Variants in PSMG2 observed in about 807,000 individuals in gnomAD.
PSMG2 encodes proteasome assembly chaperone 2.
Under a neutral mutation model 31.5 loss-of-function variants are expected in PSMG2, and 21 were observed. That is an observed-to-expected ratio of 0.67 (90% CI 0.47 to 0.96). The LOEUF is 0.96. Ranked by LOEUF, PSMG2 falls within the 40% of genes least tolerant of loss-of-function variation. The pLI is 0.00. For missense variants in PSMG2, 318 were observed against 321.2 expected, an observed-to-expected ratio of 0.99 and a Z score of 0.08; for synonymous variants, 120 against 110.4, an observed-to-expected ratio of 1.09 and a Z score of -0.54.
upstream of PSMG2, among the ~76,000 whole-genome samples, chr18:12,700,568 CATAGAGA>C (rs2040116298): frequency 6.6e-6 from 1 of 152,086 alleles, no homozygotes; most frequent in Non-Finnish European, 1.5e-5. Flanking sequence ...ATTTGTTAAT[CATAGAGA>C]ATATAATCCC....
rs142099365 is a variant in PSMG2, at chr18:12,706,362, C to T, written c.58-188C>T. 5.3e-3 allele frequency among the ~76,000 whole-genome samples: 808 copies of T among 152,286 alleles called. 3 individuals carry two copies. The highest frequency in any genetic ancestry group is 7.7e-3 in the Non-Finnish European group (521 of 68,034). On this transcript the variant is annotated intron_variant, in intron 1 of 6. Transcript: ENST00000317615. ...ATTAGCTGGGTGTGGTGGTGCGCGC[C>T]TATAATCTCAGCTACTCAGGAGGCT...
chr18:12,713,249 C>A (rs1293406147), intron 3 of PSMG2, among the ~76,000 whole-genome samples: 1 of 152,166 alleles, frequency 6.6e-6, no homozygotes, highest in Non-Finnish European at 1.5e-5. Context: ...TACACCACAT[C>A]ACTACTCTCT....
At chr18:12,678,177 T>C (rs764149719) in intron 1 of PSMG2, 4 of 1,614,174 alleles carry the variant, frequency 2.5e-6, no homozygotes, top group East Asian at 2.2e-5. Flanking sequence ...GACGCGTCAA[T>C]TGTGGATGCA....
rs1040010722 is a variant in PSMG2, at chr18:12,683,455, A to G, written c.-36-23095A>G. Among the ~76,000 whole-genome samples the G allele has an allele frequency of 2.6e-5, 4 of 152,122 alleles. No individual in the cohort carries two copies. The East Asian group carries it at 5.8e-4, about 22-fold the overall frequency. On this transcript the variant is annotated intron_variant, in intron 1 of 6. Coordinates refer to the PSMG2 transcript ENST00000585331. ...AGGGAAATAGTTAAATGTATTTTGT[A>G]TATTGACTCAAGGAAACTTAAAACA...
intron 1 of PSMG2, chr18:12,686,608 T>C (rs1445064964): frequency 7.4e-6 from 4 of 543,102 alleles, no homozygotes; most frequent in Non-Finnish European, 1.3e-5. Context: ...TGTATATAAT[T>C]TCCCTTAATC....
At chr18:12,664,602 C>T (rs2038767717) in intron 1 of PSMG2, among the ~76,000 whole-genome samples, 1 of 151,846 alleles carries the variant, frequency 6.6e-6, no homozygotes, top group African/African-American at 2.4e-5. Context: ...CCAAGCTGGT[C>T]TCAAATTCCT....
intron 3 of PSMG2, among the ~76,000 whole-genome samples, chr18:12,715,298 C>G (rs1225150789): frequency 6.6e-6 from 1 of 151,580 alleles, no homozygotes; most frequent in Non-Finnish European, 1.5e-5. Context: ...TGTGAGCCAC[C>G]ACACCCAGCC....
At chr18:12,695,597 G>C (rs1478951951) in intron 1 of PSMG2, among the ~76,000 whole-genome samples, 1 of 152,014 alleles carries the variant, frequency 6.6e-6, no homozygotes, top group Non-Finnish European at 1.5e-5. Flanking sequence ...TTTAAGTAGA[G>C]ATGGGGTCTC....
intron 1 of PSMG2, among the ~76,000 whole-genome samples, chr18:12,679,825 G>A (rs2145010421): frequency 6.6e-6 from 1 of 152,176 alleles, no homozygotes; most frequent in Admixed American, 6.6e-5. Context: ...CACTTTGGAA[G>A]GCCGTGGCAG....
chr18:12,702,786 C>G, upstream of PSMG2: 3 of 574,430 alleles, frequency 5.2e-6, no homozygotes, highest in Non-Finnish European at 9.1e-6. Flanking sequence ...GGGCTTGGGG[C>G]TGGCCCGCAC....
intron 1 of PSMG2, among the ~76,000 whole-genome samples, chr18:12,659,358 G>A (rs1000500918): frequency 1.8e-4 from 28 of 152,096 alleles, no homozygotes; most frequent in Admixed American, 1.8e-3. Flanking sequence ...GCAACAGGAC[G>A]AAAAGGAAAA....
In PSMG2 at chr18:12,725,226, C is replaced by T. The variant is rs141712938; in HGVS notation, c.703-213C>T. Reference sequence around the variant, plus strand: ...GATTTTCCCTAATAAACTTCATCTACAGCCTTTCTGGCATATCTTTATAAT... The same window carrying T: ...GATTTTCCCTAATAAACTTCATCTATAGCCTTTCTGGCATATCTTTATAAT... On this transcript the variant is annotated intron_variant, in intron 6 of 6. Transcript: ENST00000317615. Among the ~76,000 whole-genome samples the T allele has an allele frequency of 1.8e-3, 275 of 152,226 alleles. 1 individual carries two copies. Among genetic ancestry groups the T allele is most frequent in the African/African-American group, 6.4e-3 (266 of 41,562 alleles).
In PSMG2 at chr18:12,683,186, C is replaced by CAAAAAAAAAAAAAAAA. The variant is rs765652085; in HGVS notation, c.-36-23361_-36-23346dup. Among the ~76,000 whole-genome samples, 76 of 63,664 alleles carry CAAAAAAAAAAAAAAAA rather than the reference C, an allele frequency of 1.2e-3. 3 individuals are homozygous for CAAAAAAAAAAAAAAAA. Among genetic ancestry groups the CAAAAAAAAAAAAAAAA allele is most frequent in the Non-Finnish European group, 1.4e-3 (45 of 32,432 alleles). 41.8% of individuals were successfully genotyped at this position (63,664 alleles called of 152,430 possible). On this transcript the variant is annotated intron_variant, in intron 1 of 6. Transcript: ENST00000585331. ...GAAACCCCATCTCTACTAAAAATAC[C>CAAAAAAAAAAAAAAAA]AAAAAAAAAAAAAAAAAAGCCAGGC... is the stretch of plus-strand genomic sequence containing the variant.
chr18:12,684,683 A>T (rs898746265), intron 1 of PSMG2: 2 of 151,412 alleles, frequency 1.3e-5, no homozygotes, highest in Non-Finnish European at 2.9e-5. Context: ...GAGTTTCTCC[A>T]TGTTAGCCAG....
At chr18:12,702,049 C>G (rs920374531), upstream of PSMG2, among the ~76,000 whole-genome samples, 1 of 152,180 alleles carries the variant, frequency 6.6e-6, no homozygotes, top group African/African-American at 2.4e-5. Context: ...TCGCTTAAAC[C>G]TGGGAGGCGG....
intron 4 of PSMG2, among the ~76,000 whole-genome samples, chr18:12,719,030 AAGAT>A (rs2040404800): frequency 6.6e-6 from 1 of 152,200 alleles, no homozygotes. Flanking sequence ...GTTACCTTGA[AAGAT>A]TAATATTTTC....
intron 1 of PSMG2, among the ~76,000 whole-genome samples, chr18:12,676,483 C>G (rs2039141397): frequency 6.6e-6 from 1 of 151,834 alleles, no homozygotes; most frequent in Non-Finnish European, 1.5e-5. Context: ...CCACGTTGCC[C>G]AGGCTGGTCT....
rs893147955 is a variant in PSMG2, at chr18:12,707,060, A to G, written c.229+339A>G. ...AAGCTCCGCCTCCCGGGTTCACGCCATTCTCCTACCTCAGCCTCCCGAGTA... is the reference window on the plus strand; with the variant it reads ...AAGCTCCGCCTCCCGGGTTCACGCCGTTCTCCTACCTCAGCCTCCCGAGTA... On this transcript the variant is annotated intron_variant, in intron 2 of 6. Coordinates refer to ENST00000317615, the MANE Select transcript of PSMG2 (RefSeq NM_020232.5). Among the ~76,000 whole-genome samples the G allele has an allele frequency of 2.6e-5, 4 of 152,136 alleles. No individual in the cohort carries two copies. In the East Asian group the frequency reaches 7.8e-4, roughly 29 times the overall value.
chr18:12,710,535 C>G (rs925992222), intron 2 of PSMG2, among the ~76,000 whole-genome samples: 1 of 151,960 alleles, frequency 6.6e-6, no homozygotes, highest in Non-Finnish European at 1.5e-5. Flanking sequence ...TAGAGCAGTC[C>G]CTTTTTTTTC....
Sources: allele counts gnomAD v4.1 joint callset (sites outside exome capture counted in the v4.1 genomes callset), GRCh38; gene constraint gnomAD v4.1.1; transcripts MANE v1.5; gene names NCBI Gene and HGNC (gene_info 2026-07-23, HGNC 2026-07-21).